RHOJ: variants seen among roughly 807,000 people sequenced by gnomAD.
RHOJ encodes rho-related GTP-binding protein RhoJ.
A neutral mutation model predicts 23.4 loss-of-function variants in RHOJ; 11 were observed. The observed-to-expected ratio is 0.47, with a 90% CI of 0.30 to 0.78. The LOEUF (loss-of-function observed/expected upper bound fraction) is 0.78. Ranked by LOEUF, RHOJ falls within the 30% of genes least tolerant of loss-of-function variation. The pLI is 0.08. For synonymous variants in RHOJ, 102 were observed against 102.7 expected (o/e 0.99, Z 0.04); for missense variants, 254 against 273.4 (o/e 0.93, Z 0.50).
chr14:63,288,616 T>C (rs1882156993), intron 4 of RHOJ, among the ~76,000 whole-genome samples: 1 of 152,208 alleles, frequency 6.6e-6, no homozygotes. Flanking sequence ...GCTTTATTCC[T>C]CTCTTGTATC....
At chr14:63,261,461 C>T (rs1895271227) in intron 1 of RHOJ, among the ~76,000 whole-genome samples, 1 of 151,706 alleles carries the variant, frequency 6.6e-6, no homozygotes, top group Non-Finnish European at 1.5e-5. Flanking sequence ...CAGAGTCTTA[C>T]TCTGTTACCC....
intron 3 of RHOJ, among the ~76,000 whole-genome samples, 177 bp from the exon 4 acceptor site, chr14:63,282,944 A>G (rs1881956690): frequency 6.6e-6 from 1 of 152,240 alleles, no homozygotes; most frequent in Non-Finnish European, 1.5e-5. Context: ...GTGTACATTT[A>G]CAAAGAAATG....
In RHOJ at chr14:63,221,473, T is replaced by C. The variant is rs1249905375; in HGVS notation, c.178+16426T>C. Among the ~76,000 whole-genome samples, 3 of 152,232 alleles carry C rather than the reference T, an allele frequency of 2.0e-5. No individual in the cohort carries two copies. The East Asian group carries it at 5.8e-4, about 29-fold the overall frequency. On this transcript the variant is annotated intron_variant, in intron 1 of 4. Coordinates refer to ENST00000316754, the MANE Select transcript of RHOJ (RefSeq NM_020663.5). ...TGATTCTATTTCTAGAGAATGATTCTATTACTGGAGAATGGTGATAGCATT... is the reference window on the plus strand; with the variant it reads ...TGATTCTATTTCTAGAGAATGATTCCATTACTGGAGAATGGTGATAGCATT...
chr14:63,253,585 C>T (rs915716283), intron 1 of RHOJ, among the ~76,000 whole-genome samples: 2 of 152,148 alleles, frequency 1.3e-5, no homozygotes, highest in South Asian at 4.1e-4. Flanking sequence ...TCATCTAGGA[C>T]ACTTCCCCCT....
In RHOJ at chr14:63,291,651, A is replaced by C. The variant is rs1452280873; in HGVS notation, c.*627A>C. 1 of 156,476 alleles carries C rather than the reference A, an allele frequency of 6.4e-6. No homozygotes were observed. Among genetic ancestry groups the C allele is most frequent in the African/African-American group, 2.4e-5 (1 of 41,476 alleles). 9.7% of individuals were successfully genotyped at this position (156,476 alleles called of 1,614,324 possible). ...AACACGTACCTCTGAATGCCCGATTATAAGAAGACATGAGAAGACTTTAAA... is the reference window on the plus strand; with the variant it reads ...AACACGTACCTCTGAATGCCCGATTCTAAGAAGACATGAGAAGACTTTAAA... On this transcript the variant is annotated 3_prime_UTR_variant, in exon 5 of 5. Transcript: ENST00000316754.
At chr14:63,266,054 G>A (rs1222047896) in intron 1 of RHOJ, among the ~76,000 whole-genome samples, 1 of 152,194 alleles carries the variant, frequency 6.6e-6, no homozygotes, top group East Asian at 1.9e-4. Context: ...CAGACTCTTA[G>A]TTAAATCTCT....
At chr14:63,232,134 G>T (rs974909839) in intron 1 of RHOJ, among the ~76,000 whole-genome samples, 6 of 152,008 alleles carry the variant, frequency 3.9e-5, no homozygotes, top group Non-Finnish European at 8.8e-5. Flanking sequence ...TATTTTTCTT[G>T]GGAAAAGCTC....
At chr14:63,210,536 A>G (rs1015438496) in intron 1 of RHOJ, among the ~76,000 whole-genome samples, 1 of 152,038 alleles carries the variant, frequency 6.6e-6, no homozygotes, top group Non-Finnish European at 1.5e-5. Flanking sequence ...CTAAGAAACA[A>G]CCCTGGGCTC....
intron 1 of RHOJ, among the ~76,000 whole-genome samples, chr14:63,207,924 C>T (rs1403161548): frequency 2.6e-5 from 4 of 151,774 alleles, no homozygotes; most frequent in African/African-American, 4.8e-5. Flanking sequence ...AATACAGTCT[C>T]GATACTTGCA....
At chr14:63,279,804 G>T (rs1459626520) in intron 2 of RHOJ, among the ~76,000 whole-genome samples, 1 of 152,016 alleles carries the variant, frequency 6.6e-6, no homozygotes, top group Admixed American at 6.6e-5. Context: ...GTCAAATTTG[G>T]CAATAACTCT....
intron 2 of RHOJ, among the ~76,000 whole-genome samples, chr14:63,274,186 G>A (rs1303361691): frequency 6.6e-6 from 1 of 152,180 alleles, no homozygotes; most frequent in African/African-American, 2.4e-5. Context: ...TTTGCTATTG[G>A]CTGATCCAAT....
chr14:63,224,482 T>C (rs1894553891), intron 1 of RHOJ, among the ~76,000 whole-genome samples: 1 of 152,184 alleles, frequency 6.6e-6, no homozygotes, highest in Admixed American at 6.5e-5. Flanking sequence ...CCACATCCCT[T>C]AGCTGCAGTA....
chr14:63,223,542 T>A (rs963228426), intron 1 of RHOJ, among the ~76,000 whole-genome samples: 2 of 152,188 alleles, frequency 1.3e-5, no homozygotes, highest in African/African-American at 4.8e-5. Context: ...TATGAAATAT[T>A]CATAGAGGCT....
At chr14:63,255,498 A>G (rs1895146747) in intron 1 of RHOJ, among the ~76,000 whole-genome samples, 1 of 152,204 alleles carries the variant, frequency 6.6e-6, no homozygotes, top group Admixed American at 6.5e-5. Context: ...ATAGATTCTC[A>G]GGACCCACCA....
At chr14:63,276,296 C>T (rs189788223) in intron 2 of RHOJ, among the ~76,000 whole-genome samples, 2 of 152,228 alleles carry the variant, frequency 1.3e-5, no homozygotes, top group Admixed American at 1.3e-4. Flanking sequence ...GACTGAAGAG[C>T]GTAGTTTGGA....
chr14:63,227,946 G>A (rs1281503495), intron 1 of RHOJ, among the ~76,000 whole-genome samples: 1 of 152,184 alleles, frequency 6.6e-6, no homozygotes, highest in South Asian at 2.1e-4. Context: ...TTTGAATTTA[G>A]TCACATCGGT....
At chr14:63,234,728 A>G (rs1358703053) in intron 1 of RHOJ, among the ~76,000 whole-genome samples, 1 of 152,194 alleles carries the variant, frequency 6.6e-6, no homozygotes, top group African/African-American at 2.4e-5. Context: ...CTTTTCACAT[A>G]TATTTTTTCC....
intron 4 of RHOJ, among the ~76,000 whole-genome samples, chr14:63,286,653 G>T (rs896592335): frequency 1.3e-5 from 2 of 152,180 alleles, no homozygotes; most frequent in Non-Finnish European, 2.9e-5. Flanking sequence ...AAATTCAGAA[G>T]GTCGAGCAAC....
rs1882290722 is a variant in RHOJ at position 63,292,796 on chromosome 14, T to C, written c.*1772T>C. Reference sequence around the variant, plus strand: ...AGATCCTGTGTCTCTATAAAAAAATTAAAAATTAGTCAGTTGTAGTGACAC... The same window carrying C: ...AGATCCTGTGTCTCTATAAAAAAATCAAAAATTAGTCAGTTGTAGTGACAC... On this transcript the variant is annotated 3_prime_UTR_variant, in exon 5 of 5. Transcript: ENST00000316754. 1 of 151,804 alleles carries C rather than the reference T, an allele frequency of 6.6e-6. No individual in the cohort carries two copies. 9.4% of individuals were successfully genotyped at this position (151,804 alleles called of 1,614,324 possible). A position where few individuals can be genotyped will look rare whatever the true frequency, so the allele number is the denominator to read the frequency against.
Sources: gnomAD v4.1 joint callset for allele counts (sites outside exome capture counted in the v4.1 genomes callset) on GRCh38, gnomAD v4.1.1 for gene constraint, MANE v1.5 for transcripts, NCBI Gene and HGNC (gene_info 2026-07-23, HGNC 2026-07-21) for gene names.